Variants in WNT9A observed in about 807,000 individuals in gnomAD.
WNT9A encodes the protein Wnt family member 9A, also known as protein Wnt-9a.
WNT9A carries 8 observed loss-of-function variants against 31.4 expected under a neutral mutation model. The observed-to-expected ratio is 0.26, with a 90% CI of 0.15 to 0.46. The LOEUF (loss-of-function observed/expected upper bound fraction) is 0.46. Ranked by LOEUF, WNT9A falls within the 20% of genes least tolerant of loss-of-function variation. WNT9A has a pLI of 0.99. For synonymous variants in WNT9A, 236 were observed against 220.1 expected (o/e 1.07, Z -0.64); for missense variants, 457 against 522.9 (o/e 0.87, Z 1.23).
chr1:227,943,310 C>T (rs565119378), intron 1 of WNT9A, among the ~76,000 whole-genome samples: 22 of 152,312 alleles, frequency 1.4e-4, no homozygotes, highest in Admixed American at 7.8e-4. Flanking sequence ...GGGGTAAGAG[C>T]GCCCACAGGC....
chr1:227,946,387 G>C (rs923671892), intron 1 of WNT9A, among the ~76,000 whole-genome samples: 3 of 152,240 alleles, frequency 2.0e-5, no homozygotes, highest in Non-Finnish European at 4.4e-5. Context: ...GCCTCCGCTG[G>C]GCCGGAGAGC....
Position 227,925,490 on chromosome 1 carries a change from A to G in WNT9A, c.125T>C (p.Leu42Pro). Residue 42 changes from leucine to proline, a missense_variant, in exon 2 of 4, where the codon CTC (leucine) becomes CCC (proline). Transcript: ENST00000272164. This position sits in a 1 kb window ranked among gnomAD's most constrained non-coding sequence, Gnocchi z 6.0. ...CGCCTCTGGCTCCAGGGTCAGCGGG[A>G]GGATGGTCAGGGGCTCGCTGCCCGT... ...GLTGSEPLTI[L>P]PLTLEPEAAA... The G allele has an allele frequency of 6.4e-7, 1 of 1,567,334 alleles. No individual in the cohort carries two copies. Among genetic ancestry groups the G allele is most frequent in the Non-Finnish European group, 8.6e-7 (1 of 1,160,878 alleles).
At position 227,947,777 on chromosome 1, in the gene WNT9A, C is replaced by A. The variant is rs1666819684; in HGVS notation, c.95+16G>T. Reference sequence around the variant, plus strand: ...CCCCCGCCCACCAGTGCGCGCCGGCCGCCGAAGGCACCTACCCGAAGTAGG... The same window carrying A: ...CCCCCGCCCACCAGTGCGCGCCGGCAGCCGAAGGCACCTACCCGAAGTAGG... On this transcript the variant is annotated intron_variant, in intron 1 of 3. Transcript: ENST00000272164. 1.9e-6 allele frequency: 2 copies of A among 1,081,054 alleles called. No homozygotes were observed. Among genetic ancestry groups the A allele is most frequent in the South Asian group, 4.1e-5 (1 of 24,324 alleles). 67.0% of individuals were successfully genotyped at this position (1,081,054 alleles called of 1,614,324 possible). A position where few individuals can be genotyped will look rare whatever the true frequency, so the allele number is the denominator to read the frequency against.
chr1:227,944,325 G>C (rs1326374665), intron 1 of WNT9A, among the ~76,000 whole-genome samples: 2 of 152,346 alleles, frequency 1.3e-5, no homozygotes, highest in East Asian at 3.9e-4. Context: ...CAGACCCGTG[G>C]AGAAAGAACG....
intron 1 of WNT9A, among the ~76,000 whole-genome samples, chr1:227,935,905 G>A (rs1170040602): frequency 6.6e-6 from 1 of 152,208 alleles, no homozygotes; most frequent in Non-Finnish European, 1.5e-5. Flanking sequence ...CAGGGCCAGA[G>A]AACATATTCC....
At position 227,921,578 on chromosome 1, in the gene WNT9A, G is replaced by A; in HGVS notation, c.1038C>T (p.Cys346=). 1.2e-6 allele frequency: 2 copies of A among 1,613,518 alleles called. No individual in the cohort carries two copies. The highest frequency in any genetic ancestry group is 1.7e-6 in the Non-Finnish European group (2 of 1,179,984). ...TGCACTGCCTGCACTCCACATAGCA[G>A]CACCAACGCACCTGGCACTGGCAGG... ...TRPCQCQVRW[C]CYVECRQCTQ... The change falls in exon 4 of 4, where the codon TGC becomes TGT. Residue 346 remains cysteine, a synonymous_variant. Transcript: ENST00000272164.
intron 1 of WNT9A, among the ~76,000 whole-genome samples, chr1:227,936,118 C>T (rs1461362951): frequency 6.6e-6 from 1 of 152,210 alleles, no homozygotes; most frequent in Non-Finnish European, 1.5e-5. Flanking sequence ...TGTCCTCACG[C>T]CTCATCTGTA....
Position 227,924,207 on chromosome 1 carries a change from G to A in WNT9A, c.546C>T (p.Phe182=), listed in dbSNP as rs1572124326. The change falls in exon 3 of 4, where the codon TTC becomes TTT. Residue 182 remains phenylalanine (F), a synonymous_variant. Transcript: ENST00000272164. ...GATCCTTGCTTGACCGTCTGCCCAG[G>A]AATTCCTTGACGAACTTGCTGCTGT... ...LKYSSKFVKE[F]LGRRSSKDLR... is the part of the protein sequence containing the mutation. 7 of 1,613,690 alleles carry A rather than the reference G, an allele frequency of 4.3e-6. No individual in the cohort carries two copies. In the East Asian group the frequency reaches 1.3e-4, roughly 31 times the overall value.
chr1:227,947,820 G>A lies in WNT9A; in HGVS notation c.68C>T (p.Ala23Val). The A allele has an allele frequency of 9.1e-7, 1 of 1,096,578 alleles. No homozygotes were observed. The highest frequency in any genetic ancestry group is 1.1e-6 in the Non-Finnish European group (1 of 902,000). The allele number at this position is 1,096,578 out of a possible 1,614,324, so 67.9% of individuals were successfully genotyped here. ...GAAGTAGGCGGCCGAAGGGCGCAGC[G>A]CGGCGAGCAGCAGCGTCAGCCCGAA... ...AAFGLTLLLA[A>V]LRPSAAYFGL... is the part of the protein sequence containing the mutation. The change falls in exon 1 of 4, where the codon GCG becomes GTG. Residue 23 changes from alanine to valine, a missense_variant. Coordinates refer to ENST00000272164, the MANE Select transcript of WNT9A (RefSeq NM_003395.4).
intron 1 of WNT9A, among the ~76,000 whole-genome samples, chr1:227,936,711 C>T (rs1467378777): frequency 6.6e-6 from 1 of 151,904 alleles, no homozygotes; most frequent in Non-Finnish European, 1.5e-5. Context: ...CTGCAGCCTC[C>T]AGCTCCAGGA....
chr1:227,947,810 A>G lies in WNT9A; in HGVS notation c.78T>C (p.Pro26=). ...GCACCTACCCGAAGTAGGCGGCCGA[A>G]GGGCGCAGCGCGGCGAGCAGCAGCG... is the stretch of plus-strand genomic sequence containing the variant. ...GLTLLLAALR[P]SAAYFGLTGS... The change falls in exon 1 of 4, where the codon CCT becomes CCC. Residue 26 remains proline, a synonymous_variant. Coordinates refer to ENST00000272164, the MANE Select transcript of WNT9A (RefSeq NM_003395.4). The G allele has an allele frequency of 2.8e-6, 3 of 1,085,014 alleles. No homozygotes were observed. Among genetic ancestry groups the G allele is most frequent in the East Asian group, 5.9e-5 (1 of 16,972 alleles). The allele number at this position is 1,085,014 out of a possible 1,614,324, so 67.2% of individuals were successfully genotyped here.
At chr1:227,924,001 C>G (rs1455406173) in intron 3 of WNT9A, 137 bp downstream of exon 3, 1 of 1,250,804 alleles carries the variant, frequency 8.0e-7, no homozygotes, top group African/African-American at 1.5e-5. Flanking sequence ...ACGGCCTCCA[C>G]CCTCCTACAG....
In WNT9A at chr1:227,919,417, G is replaced by A. The variant is rs1256303221; in HGVS notation, c.*2101C>T. 6.6e-6 allele frequency: 1 copy of A among 152,208 alleles called. No individual in the cohort carries two copies. The highest frequency in any genetic ancestry group is 1.5e-5 in the Non-Finnish European group (1 of 68,050). The allele number at this position is 152,208 out of a possible 1,614,324, so 9.4% of individuals were successfully genotyped here. A position where few individuals can be genotyped will look rare whatever the true frequency, so the allele number is the denominator to read the frequency against. On this transcript the variant is annotated 3_prime_UTR_variant, in exon 4 of 4. Transcript: ENST00000272164. ...ACCACAGGAGAATAAAGGTTCTTATGTACTATAACACAGGGACGGCAGAGA... is the reference window on the plus strand; with the variant it reads ...ACCACAGGAGAATAAAGGTTCTTATATACTATAACACAGGGACGGCAGAGA...
chr1:227,939,066 C>T (rs1420634215), intron 1 of WNT9A, among the ~76,000 whole-genome samples: 6 of 152,252 alleles, frequency 3.9e-5, no homozygotes, highest in Non-Finnish European at 7.3e-5. Context: ...CTTCCCACCT[C>T]TGACTGTCAT....
intron 1 of WNT9A, among the ~76,000 whole-genome samples, chr1:227,945,072 C>T (rs529934641): frequency 6.1e-4 from 93 of 152,328 alleles, no homozygotes; most frequent in Non-Finnish European, 1.1e-3. Flanking sequence ...GCAGCCCCGG[C>T]GTCTAATCCG....
intron 1 of WNT9A, among the ~76,000 whole-genome samples, chr1:227,938,539 A>G (rs1666636619): frequency 6.6e-6 from 1 of 151,996 alleles, no homozygotes; most frequent in Non-Finnish European, 1.5e-5. Context: ...AGACACACCC[A>G]TATGAACCCG....
In WNT9A at chr1:227,925,213, G is replaced by C; in HGVS notation, c.352+50C>G. The C allele has an allele frequency of 6.8e-7, 1 of 1,477,530 alleles. No homozygotes were observed. Among genetic ancestry groups the C allele is most frequent in the South Asian group, 1.3e-5 (1 of 74,228 alleles). The allele number at this position is 1,477,530 out of a possible 1,614,324, so 91.5% of individuals were successfully genotyped here. A position where few individuals can be genotyped will look rare whatever the true frequency, so the allele number is the denominator to read the frequency against. ...CCTCTTGGGATATGGACAAGGCCTG[G>C]GCTGCCACCTGTCTGGGGCCTTCCT... On this transcript the variant is annotated intron_variant, in intron 2 of 3. Transcript: ENST00000272164. The surrounding 1 kb of genome is among the most constrained non-coding windows in gnomAD (Gnocchi z 6.0).
intron 1 of WNT9A, among the ~76,000 whole-genome samples, chr1:227,935,278 A>G (rs1265573161): frequency 6.6e-6 from 1 of 152,016 alleles, no homozygotes; most frequent in Non-Finnish European, 1.5e-5. Context: ...ACAGGGCCTG[A>G]GTCAGACACA....
intron 3 of WNT9A, among the ~76,000 whole-genome samples, chr1:227,923,623 G>C (rs1239679417): frequency 6.6e-6 from 1 of 152,130 alleles, no homozygotes; most frequent in Non-Finnish European, 1.5e-5. Context: ...GGAGAGGGCT[G>C]GTGGGGCAGA....
Sources: gnomAD v4.1 joint callset for allele counts (sites outside exome capture counted in the v4.1 genomes callset) on GRCh38, gnomAD v4.1.1 for gene constraint, Gnocchi (gnomAD v3.1) non-coding constraint, MANE v1.5 for transcripts, NCBI Gene and HGNC (gene_info 2026-07-23, HGNC 2026-07-21) for gene names.